Variants in SS18 observed in about 807,000 individuals in gnomAD.
SS18 encodes protein SSXT.
In SS18, 28 loss-of-function variants were observed where a neutral mutation model predicts 72.5. The ratio of observed to expected loss-of-function variants is 0.39; its 90% CI spans 0.29 to 0.53. The LOEUF (loss-of-function observed/expected upper bound fraction) is 0.53. Ranked by LOEUF, SS18 falls within the 20% of genes least tolerant of loss-of-function variation. SS18 has a pLI of 0.76. For missense variants in SS18, 518 were observed against 535.3 expected (o/e 0.97, Z 0.32); for synonymous variants, 172 against 164.2 (o/e 1.05, Z -0.37).
intron 3 of SS18, among the ~76,000 whole-genome samples, chr18:26,066,404 T>A (rs1313095180): frequency 6.6e-6 from 1 of 152,176 alleles, no homozygotes; most frequent in African/African-American, 2.4e-5. Flanking sequence ...TTGAAGTCTA[T>A]CAGACATGAA....
Position 26,082,316 on chromosome 18 carries a change from T to G in SS18, c.147-4156A>C, listed in dbSNP as rs893826882. The G allele has an allele frequency of 1.8e-5, 16 of 872,992 alleles. 1 individual carries two copies. The African/African-American group carries it at 2.4e-4, about 13-fold the overall frequency. The allele number at this position is 872,992 out of a possible 1,614,324, so 54.1% of individuals were successfully genotyped here. On this transcript the variant is annotated intron_variant, in intron 2 of 10. Coordinates refer to ENST00000415083, the MANE Select transcript of SS18 (RefSeq NM_001007559.3). ...TGGACACTCTATTTGTTGACATAAT[T>G]ACAAAATTAAGCTGGAAGTAATTTC...
chr18:26,041,349 G>A (rs377709965), intron 5 of SS18, among the ~76,000 whole-genome samples: 6 of 152,166 alleles, frequency 3.9e-5, no homozygotes, highest in African/African-American at 7.2e-5. Flanking sequence ...ACTTGAACCC[G>A]GGAGGCAGAG....
chr18:26,037,837 A>C (rs564777429), intron 7 of SS18, among the ~76,000 whole-genome samples: 397 of 152,270 alleles, frequency 2.6e-3, no homozygotes, highest in Middle Eastern at 6.8e-3. Flanking sequence ...AAAATTGATG[A>C]AACTGTACTG....
chr18:26,037,684 T>C (rs1284434618), intron 7 of SS18, among the ~76,000 whole-genome samples: 1 of 152,140 alleles, frequency 6.6e-6, no homozygotes, highest in African/African-American at 2.4e-5. Context: ...TTAGTTTCTC[T>C]GTTCAGTAAT....
rs78986615 is a variant in SS18, at chr18:26,023,939, T to C, written c.1231-5559A>G. ...TTTATAACGTATACAGAAGTAAAAT[T>C]TGTAACAATAACACAAAGAGAAGAA... On this transcript the variant is annotated intron_variant, in intron 10 of 10. Coordinates refer to ENST00000415083, the MANE Select transcript of SS18 (RefSeq NM_001007559.3). Among the ~76,000 whole-genome samples the C allele has an allele frequency of 1.5e-3, 227 of 152,244 alleles. 9 individuals carry two copies. The East Asian group carries it at 0.03, about 20-fold the overall frequency.
chr18:26,066,600 G>GCA (rs35011668), intron 3 of SS18, among the ~76,000 whole-genome samples: 5,865 of 144,308 alleles, frequency 0.041, 138 homozygotes, highest in African/African-American at 0.059. Context: ...GGAAATTTGT[G>GCA]CACACACACA....
chr18:26,039,054 T>G (rs1170200738), intron 6 of SS18, among the ~76,000 whole-genome samples: 1 of 151,472 alleles, frequency 6.6e-6, no homozygotes, highest in Admixed American at 6.6e-5. Flanking sequence ...CTGCTGTGAA[T>G]TAGTGAGCTT....
At position 26,087,370 on chromosome 18, in the gene SS18, T is replaced by C. The variant is rs368337115; in HGVS notation, c.146+131A>G. The stretch of plus-strand genomic sequence containing the variant: ...AACTCTATGAATATACTAAAAAACA[T>C]TGAATTGTACACATTAAAATAGGTG... On this transcript the variant is annotated intron_variant, in intron 2 of 10. Transcript: ENST00000415083. 375 of 598,658 alleles carry C rather than the reference T, an allele frequency of 6.3e-4. 1 individual carries two copies. The highest frequency in any genetic ancestry group is 5.6e-3 in the South Asian group (278 of 49,320). 37.1% of individuals were successfully genotyped at this position (598,658 alleles called of 1,614,324 possible). A position where few individuals can be genotyped will look rare whatever the true frequency, so the allele number is the denominator to read the frequency against.
chr18:26,053,168 G>A (rs1191913013), intron 4 of SS18, among the ~76,000 whole-genome samples: 1 of 152,252 alleles, frequency 6.6e-6, no homozygotes, highest in East Asian at 1.9e-4. Flanking sequence ...CAGATCGATT[G>A]AACAGAACAG....
chr18:26,031,722 A>G (rs971428044), intron 10 of SS18, among the ~76,000 whole-genome samples: 6 of 152,196 alleles, frequency 3.9e-5, no homozygotes, highest in African/African-American at 1.4e-4. Context: ...CATATCTGAA[A>G]GAAGAATGAC....
At chr18:26,058,198 A>T (rs1055794742) in intron 3 of SS18, among the ~76,000 whole-genome samples, 5 of 152,342 alleles carry the variant, frequency 3.3e-5, no homozygotes, top group South Asian at 4.1e-4. Context: ...GTGGCAGCAG[A>T]GGAATGTTTT....
chr18:26,030,510 C>T (rs28562875), intron 10 of SS18, among the ~76,000 whole-genome samples: 38,623 of 152,108 alleles, frequency 0.25, 8,611 homozygotes, highest in African/African-American at 0.6. Flanking sequence ...ACTGAGTCCA[C>T]GTCTATCTTA....
chr18:26,071,406 T>A (rs1345926149), intron 3 of SS18, among the ~76,000 whole-genome samples: 1 of 152,230 alleles, frequency 6.6e-6, no homozygotes, highest in Admixed American at 6.5e-5. Context: ...CAGATTATGT[T>A]CAAAATATCA....
chr18:26,038,857 T>A (rs2053671458), intron 6 of SS18, among the ~76,000 whole-genome samples, 198 bp from the exon 7 acceptor site: 1 of 152,168 alleles, frequency 6.6e-6, no homozygotes, highest in Admixed American at 6.5e-5. Context: ...TTTACTAAAA[T>A]CAATGTTAAG....
At chr18:26,060,013 A>G (rs758759245) in intron 3 of SS18, among the ~76,000 whole-genome samples, 1 of 152,256 alleles carries the variant, frequency 6.6e-6, no homozygotes. Flanking sequence ...GAACTTAAAC[A>G]GTTACCATAT....
At chr18:26,055,561 G>A (rs566301512) in intron 4 of SS18, among the ~76,000 whole-genome samples, 101 of 152,226 alleles carry the variant, frequency 6.6e-4, no homozygotes, top group African/African-American at 2.4e-3. Context: ...CTCTAAAACT[G>A]AGTCTACATA....
At chr18:26,080,745 T>C (rs8093197) in intron 2 of SS18, among the ~76,000 whole-genome samples, 37,716 of 152,026 alleles carry the variant, frequency 0.25, 8,120 homozygotes, top group African/African-American at 0.58. Context: ...TAATGATTAG[T>C]ATTTTACCAC....
chr18:26,040,174 C>T (rs2053699536), intron 5 of SS18, among the ~76,000 whole-genome samples: 1 of 152,154 alleles, frequency 6.6e-6, no homozygotes, highest in Non-Finnish European at 1.5e-5. Context: ...AAGCTGTAGG[C>T]TAAGAAATCT....
Position 26,026,716 on chromosome 18 carries a change from T to A in SS18, c.1230+5683A>T, listed in dbSNP as rs372742794. Among the ~76,000 whole-genome samples, 820 of 152,250 alleles carry A rather than the reference T, an allele frequency of 5.4e-3. 12 individuals are homozygous for A. Among genetic ancestry groups the A allele is most frequent in the African/African-American group, 0.019 (790 of 41,570 alleles). ...AGACTGTCTTTATTCACAGACAACA[T>A]GATTTCTATGTTTGAATATTCAATG... On this transcript the variant is annotated intron_variant, in intron 10 of 10. Coordinates refer to ENST00000415083, the MANE Select transcript of SS18 (RefSeq NM_001007559.3).
Sources: allele counts gnomAD v4.1 joint callset (sites outside exome capture counted in the v4.1 genomes callset), GRCh38; gene constraint gnomAD v4.1.1; transcripts MANE v1.5; gene names NCBI Gene and HGNC (gene_info 2026-07-23, HGNC 2026-07-21).